The following GMDS variants were observed in gnomAD, a reference collection of about 807,000 sequenced individuals.
GMDS encodes GDP-mannose 4,6-dehydratase.
A neutral mutation model predicts 49.9 loss-of-function variants in GMDS; 20 were observed. The observed-to-expected ratio is 0.40, with a 90% confidence interval of 0.28 to 0.58. The LOEUF (loss-of-function observed/expected upper bound fraction) is 0.58, where lower values mean the gene tolerates loss of function less well. GMDS is among the 20% of genes least tolerant of loss of function. The pLI, the probability that GMDS is intolerant of heterozygous loss-of-function variation, is 0.42. For synonymous variants in GMDS, 177 were observed against 178.6 expected (o/e 0.99, Z 0.07); for missense variants, 362 against 481.4 (o/e 0.75, Z 2.32).
At chr6:1,716,566 C>A (rs771140900) in intron 9 of GMDS, among the ~76,000 whole-genome samples, 3 of 152,116 alleles carry the variant, frequency 2.0e-5, no homozygotes, top group Non-Finnish European at 2.9e-5. Flanking sequence ...GGAGGTGAGG[C>A]GGTGAAGAGG....
intron 4 of GMDS, among the ~76,000 whole-genome samples, chr6:2,036,994 T>C (rs116249719): frequency 0.019 from 2,839 of 152,270 alleles, 105 homozygotes; most frequent in African/African-American, 0.064. Flanking sequence ...CGAAAGGTAA[T>C]GAGGTAGGAA....
At chr6:2,050,450 C>T (rs1581573934) in intron 4 of GMDS, among the ~76,000 whole-genome samples, 1 of 152,292 alleles carries the variant, frequency 6.6e-6, no homozygotes, top group East Asian at 1.9e-4. Context: ...ACCAGAGGTA[C>T]AAGGAGGAGC....
intron 9 of GMDS, among the ~76,000 whole-genome samples, chr6:1,630,204 T>C (rs1451195971): frequency 6.6e-6 from 1 of 152,272 alleles, no homozygotes; most frequent in African/African-American, 2.4e-5. Flanking sequence ...GTTAACTTCC[T>C]TTTAAACAAA....
At chr6:1,843,087 G>C in intron 7 of GMDS, among the ~76,000 whole-genome samples, 1 of 144,250 alleles carries the variant, frequency 6.9e-6, no homozygotes, top group East Asian at 2.0e-4. Context: ...TCCAGCCTGA[G>C]CAACAGAGTA....
At chr6:1,686,623 T>C (rs1001645602) in intron 9 of GMDS, among the ~76,000 whole-genome samples, 8 of 152,254 alleles carry the variant, frequency 5.3e-5, no homozygotes, top group Non-Finnish European at 7.3e-5. Context: ...CCGGGTTGGC[T>C]TGTATTTATG....
intron 1 of GMDS, among the ~76,000 whole-genome samples, chr6:2,157,627 AGGG>A (rs1233502470): frequency 6.6e-6 from 1 of 152,186 alleles, no homozygotes; most frequent in Non-Finnish European, 1.5e-5. Context: ...CGAAATCTAT[AGGG>A]GAGAGATTTG....
chr6:1,721,555 A>C (rs1386038168), intron 9 of GMDS, among the ~76,000 whole-genome samples: 1 of 152,142 alleles, frequency 6.6e-6, no homozygotes, highest in Non-Finnish European at 1.5e-5. Flanking sequence ...TGGGTCTGTG[A>C]ATGTGTCCCT....
intron 1 of GMDS, among the ~76,000 whole-genome samples, chr6:2,210,872 T>C (rs1170310424): frequency 1.3e-5 from 2 of 152,206 alleles, no homozygotes; most frequent in East Asian, 3.8e-4. Context: ...AGGGACCTGG[T>C]GGGAGATAAT....
At chr6:1,701,747 A>T (rs996808542) in intron 9 of GMDS, among the ~76,000 whole-genome samples, 3 of 151,954 alleles carry the variant, frequency 2.0e-5, no homozygotes, top group African/African-American at 7.2e-5. Flanking sequence ...ATAATAAATA[A>T]ATGTATTTAT....
chr6:2,225,906 G>A (rs1007198945), intron 1 of GMDS, among the ~76,000 whole-genome samples: 2 of 152,146 alleles, frequency 1.3e-5, no homozygotes, highest in Non-Finnish European at 2.9e-5. Flanking sequence ...ATCAGACCTC[G>A]ACCACAGGAG....
At chr6:2,059,722 A>AAAAAAAAAAAAAT (rs1771023334) in intron 4 of GMDS, among the ~76,000 whole-genome samples, 1 of 139,772 alleles carries the variant, frequency 7.2e-6, no homozygotes, top group Non-Finnish European at 1.5e-5. Context: ...AAAAAAAAAA[A>AAAAAAAAAAAAAT]AAAAATGCAC....
At chr6:2,089,622 T>C (rs989422070) in intron 4 of GMDS, among the ~76,000 whole-genome samples, 6 of 152,244 alleles carry the variant, frequency 3.9e-5, no homozygotes, top group Admixed American at 2.0e-4. Flanking sequence ...TTTTTTACTA[T>C]GTGTTGTTCA....
At position 1,673,808 on chromosome 6, in the gene GMDS, C is replaced by G. The variant is rs1326215082; in HGVS notation, c.988-49268G>C. Among the ~76,000 whole-genome samples the G allele has an allele frequency of 2.0e-5, 3 of 151,842 alleles. No individual in the cohort carries two copies. The East Asian group carries it at 5.8e-4, about 29-fold the overall frequency. ...TCATACAGTACTCAGCTTTTTCAGACTGGCTTCTTTCATTTAGCGACATAC... is the reference window on the plus strand; with the variant it reads ...TCATACAGTACTCAGCTTTTTCAGAGTGGCTTCTTTCATTTAGCGACATAC... On this transcript the variant is annotated intron_variant, in intron 9 of 10. Transcript: ENST00000380815.
chr6:2,164,177 T>C (rs1304710237), intron 1 of GMDS, among the ~76,000 whole-genome samples: 2 of 152,240 alleles, frequency 1.3e-5, no homozygotes, highest in African/African-American at 2.4e-5. Flanking sequence ...CTTTGCTTAG[T>C]GAGTATATGT....
intron 1 of GMDS, among the ~76,000 whole-genome samples, chr6:2,182,467 T>A (rs956253283): frequency 6.6e-6 from 1 of 152,224 alleles, no homozygotes; most frequent in Admixed American, 6.5e-5. Flanking sequence ...TGCAGAGATG[T>A]CAATGCCTAT....
chr6:1,789,232 C>T (rs1006385119), intron 7 of GMDS, among the ~76,000 whole-genome samples: 8 of 152,218 alleles, frequency 5.3e-5, no homozygotes, highest in Non-Finnish European at 1.2e-4. Flanking sequence ...AGAAGCTGCA[C>T]TGCCCAGGGT....
intron 7 of GMDS, among the ~76,000 whole-genome samples, chr6:1,839,639 C>T (rs906881626): frequency 6.6e-6 from 1 of 152,198 alleles, no homozygotes; most frequent in African/African-American, 2.4e-5. Context: ...TAGTCTATTC[C>T]AAGTCAGATG....
At chr6:1,967,626 T>C (rs1764339540) in intron 4 of GMDS, among the ~76,000 whole-genome samples, 1 of 152,188 alleles carries the variant, frequency 6.6e-6, no homozygotes, top group Non-Finnish European at 1.5e-5. Flanking sequence ...ATCTTAGACA[T>C]ACTCGAAGTG....
intron 7 of GMDS, among the ~76,000 whole-genome samples, chr6:1,853,480 T>C (rs1324951862): frequency 7.6e-6 from 1 of 131,750 alleles, no homozygotes; most frequent in Non-Finnish European, 1.5e-5. Flanking sequence ...ATCGCGCCAC[T>C]GCACTCCAGC....
Sources: allele counts gnomAD v4.1 joint callset (sites outside exome capture counted in the v4.1 genomes callset), GRCh38; gene constraint gnomAD v4.1.1; transcripts MANE v1.5; gene names NCBI Gene and HGNC (gene_info 2026-07-23, HGNC 2026-07-21).